UNC5D: variants seen among roughly 807,000 people sequenced by gnomAD.
UNC5D encodes unc-5 netrin receptor D, also known as netrin receptor UNC5D.
A neutral mutation model predicts 105.4 loss-of-function variants in UNC5D; 39 were observed. The observed-to-expected ratio is 0.37, with a 90% CI of 0.29 to 0.48. UNC5D has a LOEUF of 0.48. UNC5D is among the 20% of genes least tolerant of loss of function. The probability of loss-of-function intolerance (pLI) is 0.98; values close to 1 mark genes in which losing one functional copy is unlikely to be tolerated. For missense variants in UNC5D, 991 were observed against 1,202.4 expected (o/e 0.82, Z 2.60); for synonymous variants, 452 against 450.4 (o/e 1.00, Z -0.04).
intron 4 of UNC5D, among the ~76,000 whole-genome samples, chr8:35,602,487 G>A (rs367606398): frequency 1.3e-5 from 2 of 152,096 alleles, no homozygotes; most frequent in Non-Finnish European, 2.9e-5. Context: ...GCCTGTTATT[G>A]GTCTATTCAG....
chr8:35,569,926 G>A (rs17352879), intron 3 of UNC5D, among the ~76,000 whole-genome samples: 1 of 151,804 alleles, frequency 6.6e-6, no homozygotes, highest in Non-Finnish European at 1.5e-5. Context: ...AGGCCCACAT[G>A]ACCTATACTC....
intron 4 of UNC5D, among the ~76,000 whole-genome samples, chr8:35,647,523 C>A (rs989270626): frequency 2.0e-5 from 3 of 151,966 alleles, no homozygotes; most frequent in African/African-American, 7.3e-5. Flanking sequence ...AATGCATAGT[C>A]TTCATGTTAG....
intron 8 of UNC5D, among the ~76,000 whole-genome samples, chr8:35,709,825 A>G (rs1401827601): frequency 1.3e-5 from 2 of 152,200 alleles, no homozygotes; most frequent in African/African-American, 4.8e-5. Flanking sequence ...AAATGCTATG[A>G]GGTGGGAGTT....
At chr8:35,512,661 A>C (rs906829509) in intron 1 of UNC5D, among the ~76,000 whole-genome samples, 1 of 147,392 alleles carries the variant, frequency 6.8e-6, no homozygotes, top group African/African-American at 2.5e-5. Context: ...ATCTAGCTTC[A>C]ACAGTCTGCT....
At chr8:35,747,964 A>G (rs1830083721) in intron 11 of UNC5D, among the ~76,000 whole-genome samples, 1 of 152,238 alleles carries the variant, frequency 6.6e-6, no homozygotes, top group Non-Finnish European at 1.5e-5. Context: ...TGCTATTGCT[A>G]TATAAGCTAT....
chr8:35,600,980 G>A (rs1335425532), intron 4 of UNC5D, among the ~76,000 whole-genome samples: 1 of 151,914 alleles, frequency 6.6e-6, no homozygotes, highest in African/African-American at 2.4e-5. Context: ...TTTTGTATAA[G>A]GTGTAAGGAA....
At chr8:35,470,921 G>T (rs533247931) in intron 1 of UNC5D, among the ~76,000 whole-genome samples, 1 of 152,268 alleles carries the variant, frequency 6.6e-6, no homozygotes, top group South Asian at 2.1e-4. Flanking sequence ...TTGTGTGTTT[G>T]TCACTTAGGC....
intron 1 of UNC5D, among the ~76,000 whole-genome samples, chr8:35,464,269 G>A (rs1359341505): frequency 6.6e-6 from 1 of 152,048 alleles, no homozygotes; most frequent in African/African-American, 2.4e-5. Flanking sequence ...GGAGGTTGCT[G>A]TGAGCCAAGA....
chr8:35,373,567 T>C (rs1056548343), intron 1 of UNC5D, among the ~76,000 whole-genome samples: 1 of 152,184 alleles, frequency 6.6e-6, no homozygotes, highest in African/African-American at 2.4e-5. Context: ...TTACTATCTC[T>C]GGTGCGATAA....
chr8:35,742,530 C>T (rs16884371), intron 11 of UNC5D, among the ~76,000 whole-genome samples: 12,130 of 151,950 alleles, frequency 0.08, 1,364 homozygotes, highest in African/African-American at 0.25. Flanking sequence ...TGAGTGATAC[C>T]CTGGGTAAAG....
At chr8:35,659,597 A>T (rs1437860060) in intron 4 of UNC5D, among the ~76,000 whole-genome samples, 1 of 152,226 alleles carries the variant, frequency 6.6e-6, no homozygotes, top group Non-Finnish European at 1.5e-5. Context: ...AATTTGTGCA[A>T]GCACACATAC....
At chr8:35,645,504 T>C (rs773788994) in intron 4 of UNC5D, among the ~76,000 whole-genome samples, 4 of 150,530 alleles carry the variant, frequency 2.7e-5, no homozygotes, top group Non-Finnish European at 5.9e-5. Context: ...GCAACATTTT[T>C]CTATCGTATA....
chr8:35,525,367 T>A, intron 1 of UNC5D: 1 of 1,612,226 alleles, frequency 6.2e-7, no homozygotes, highest in East Asian at 2.2e-5. Flanking sequence ...ACTACGATGT[T>A]TTTTTCTTGC....
chr8:35,681,505 T>C (rs1825661485), intron 4 of UNC5D, among the ~76,000 whole-genome samples: 1 of 152,212 alleles, frequency 6.6e-6, no homozygotes, highest in Non-Finnish European at 1.5e-5. Flanking sequence ...GCAATGGTAG[T>C]AGTGAATGGA....
chr8:35,730,015 A>G (rs1397865891), intron 10 of UNC5D, among the ~76,000 whole-genome samples: 2 of 152,230 alleles, frequency 1.3e-5, no homozygotes, highest in Admixed American at 6.5e-5. Context: ...TTAAATTATC[A>G]TCAGCAACCT....
intron 1 of UNC5D, among the ~76,000 whole-genome samples, chr8:35,505,595 A>G (rs1299714058): frequency 6.6e-6 from 1 of 152,216 alleles, no homozygotes; most frequent in African/African-American, 2.4e-5. Flanking sequence ...AGATGTGGAT[A>G]CTAGGAGGGT....
In UNC5D at chr8:35,434,432, G is replaced by A. The variant is rs987033150; in HGVS notation, c.104-114860G>A. Reference sequence around the variant, plus strand: ...AATTTTAAATTTTTTTTTATTTTAAGTAATAACTATGTTAACAGAAATAAT... The same window carrying A: ...AATTTTAAATTTTTTTTTATTTTAAATAATAACTATGTTAACAGAAATAAT... On this transcript the variant is annotated intron_variant, in intron 1 of 16. Transcript: ENST00000404895. Among the ~76,000 whole-genome samples the A allele has an allele frequency of 1.3e-4, 20 of 152,018 alleles. No homozygotes were observed. In the South Asian group the frequency reaches 3.5e-3, roughly 27 times the overall value.
intron 2 of UNC5D, among the ~76,000 whole-genome samples, chr8:35,551,557 C>T (rs1215795687): frequency 1.3e-5 from 2 of 152,054 alleles, no homozygotes; most frequent in African/African-American, 2.4e-5. Context: ...CGGTGGCTCA[C>T]GCCTGTAATC....
intron 8 of UNC5D, among the ~76,000 whole-genome samples, chr8:35,720,616 T>C (rs558527060): frequency 1.3e-5 from 2 of 152,236 alleles, no homozygotes; most frequent in Admixed American, 1.3e-4. Flanking sequence ...CTGCCCTCCT[T>C]CTTACCACAC....
Sources: gnomAD v4.1 joint callset for allele counts (sites outside exome capture counted in the v4.1 genomes callset) on GRCh38, gnomAD v4.1.1 for gene constraint, MANE v1.5 for transcripts, NCBI Gene and HGNC (gene_info 2026-07-23, HGNC 2026-07-21) for gene names.